The following KIF1B variants were observed in gnomAD, a reference collection of about 807,000 sequenced individuals.
KIF1B encodes kinesin family member 1B.
A neutral mutation model predicts 241.9 loss-of-function variants in KIF1B; 76 were observed. The ratio of observed to expected loss-of-function variants is 0.31; its 90% confidence interval spans 0.26 to 0.38. KIF1B has a LOEUF of 0.38. Among genes scored for constraint, KIF1B ranks in the 10% least tolerant of loss-of-function variants. The pLI is 1.00. For synonymous variants in KIF1B, 750 were observed against 796.7 expected (o/e 0.94, Z 0.99); for missense variants, 1,622 against 2,271.4 (o/e 0.71, Z 5.81).
At position 10,326,346 on chromosome 1, in the gene KIF1B, A is replaced by C; in HGVS notation, c.2911A>C (p.Ile971Leu). The change falls in exon 27 of 49, where the codon ATT becomes CTT. Residue 971 changes from isoleucine (I) to leucine (L), a missense_variant. Coordinates refer to ENST00000676179, the MANE Select transcript of KIF1B (RefSeq NM_001365951.3). The surrounding 1 kb of genome is among the most constrained non-coding windows in gnomAD (Gnocchi z 5.2). Reference protein sequence around the residue: ...DPFYDRSPWFILVGRAFVYLS... With the variant: ...DPFYDRSPWFLLVGRAFVYLS... ...GTTTTACGACCGATCCCCTTGGTTC[A>C]TTTTAGTGGGAAGGTTGGTGAGGTT... 1 of 1,614,152 alleles carries C rather than the reference A, an allele frequency of 6.2e-7. No homozygotes were observed. Among genetic ancestry groups the C allele is most frequent in the Non-Finnish European group, 8.5e-7 (1 of 1,180,022 alleles).
intron 1 of KIF1B, among the ~76,000 whole-genome samples, chr1:10,229,603 T>C (rs1348877223): frequency 6.6e-6 from 1 of 151,920 alleles, no homozygotes; most frequent in Non-Finnish European, 1.5e-5. Context: ...ATGCCTGTAA[T>C]CCCAGCACTT....
intron 15 of KIF1B, among the ~76,000 whole-genome samples, chr1:10,284,615 G>A (rs138300593): frequency 9.9e-5 from 15 of 152,254 alleles, no homozygotes; most frequent in East Asian, 3.9e-4. Context: ...AACTTGGGAG[G>A]CGGAGGTTGC....
chr1:10,238,482 T>C (rs1257082611), intron 2 of KIF1B, among the ~76,000 whole-genome samples: 1 of 151,366 alleles, frequency 6.6e-6, no homozygotes, highest in East Asian at 1.9e-4. Context: ...GATGCGCAGA[T>C]TGCTTGAGCT....
At chr1:10,250,387 G>C (rs1240251542) in intron 2 of KIF1B, among the ~76,000 whole-genome samples, 1 of 150,542 alleles carries the variant, frequency 6.6e-6, no homozygotes, top group Non-Finnish European at 1.5e-5. Context: ...TGCCCAGGGT[G>C]GGGTGCAGTG....
At chr1:10,309,153 A>G (rs1370050698) in intron 22 of KIF1B, among the ~76,000 whole-genome samples, 1 of 152,070 alleles carries the variant, frequency 6.6e-6, no homozygotes, top group Non-Finnish European at 1.5e-5. Flanking sequence ...TGGACCTGAC[A>G]TTATTTTTTA....
At chr1:10,321,939 C>T (rs1421924403) in intron 24 of KIF1B, 82 bp downstream of exon 24, 1 of 1,515,290 alleles carries the variant, frequency 6.6e-7, no homozygotes, top group Non-Finnish European at 9.1e-7. Flanking sequence ...CTTGAATTAA[C>T]CTTTCCTTTG....
At chr1:10,248,388 A>T in intron 2 of KIF1B, among the ~76,000 whole-genome samples, 1 of 152,184 alleles carries the variant, frequency 6.6e-6, no homozygotes. Flanking sequence ...TTTAGTAGAG[A>T]TAAGACCTCA....
chr1:10,222,920 C>A (rs1646863340), intron 1 of KIF1B, among the ~76,000 whole-genome samples: 1 of 152,144 alleles, frequency 6.6e-6, no homozygotes, highest in African/African-American at 2.4e-5. Context: ...TATTTTTTTG[C>A]TAATTATTAA....
chr1:10,301,861 G>A (rs936238458), intron 22 of KIF1B, among the ~76,000 whole-genome samples: 3 of 152,170 alleles, frequency 2.0e-5, no homozygotes, highest in Non-Finnish European at 2.9e-5. Context: ...TATTAGTTAA[G>A]AGCGATTGCT....
intron 38 of KIF1B, among the ~76,000 whole-genome samples, chr1:10,360,712 AG>A (rs1419235127): frequency 2.6e-5 from 4 of 151,458 alleles, no homozygotes; most frequent in Non-Finnish European, 5.9e-5. Flanking sequence ...AGCACAACTA[AG>A]TGTTCCTTAA....
intron 22 of KIF1B, 36 bp downstream of exon 22, chr1:10,297,282 G>A (rs767418002): frequency 1.9e-6 from 3 of 1,577,888 alleles, no homozygotes; most frequent in African/African-American, 2.7e-5. Context: ...GTTGGGAAAA[G>A]GGCAGCTTGT....
At chr1:10,301,568 A>C (rs752279140) in intron 22 of KIF1B, among the ~76,000 whole-genome samples, 10 of 152,124 alleles carry the variant, frequency 6.6e-5, no homozygotes, top group Non-Finnish European at 1.2e-4. Flanking sequence ...CGGGAGGCTG[A>C]GGCAGGAGAA....
intron 2 of KIF1B, among the ~76,000 whole-genome samples, chr1:10,241,585 A>G (rs1161964635): frequency 1.3e-5 from 2 of 152,206 alleles, no homozygotes; most frequent in African/African-American, 4.8e-5. Context: ...CAAAATGGCT[A>G]AGAGAAGTAC....
rs146335819 is a variant in KIF1B at position 10,323,973 on chromosome 1, G to C, written c.2448G>C (p.Glu816Asp). ...CCACTGAGATGGAAAAAACTCATGA[G>C]GACAGGCCTTTCCCTCGCACAGTGG... ...LLPTEMEKTH[E>D]DRPFPRTVVA... The change falls in exon 25 of 49, where the codon GAG (glutamate) becomes GAC (aspartate). Residue 816 changes from glutamate (E) to aspartate (D), a missense_variant. Coordinates refer to ENST00000676179, the MANE Select transcript of KIF1B (RefSeq NM_001365951.3). 3 of 1,613,996 alleles carry C rather than the reference G, an allele frequency of 1.9e-6. No individual in the cohort carries two copies. In the African/African-American group the frequency reaches 4.0e-5, roughly 22 times the overall value.
At chr1:10,242,195 G>A (rs1404622533) in intron 2 of KIF1B, among the ~76,000 whole-genome samples, 1 of 152,128 alleles carries the variant, frequency 6.6e-6, no homozygotes, top group African/African-American at 2.4e-5. Flanking sequence ...GTCTTAGATA[G>A]AGATAAATAA....
intron 1 of KIF1B, among the ~76,000 whole-genome samples, chr1:10,213,725 T>C (rs1379470353): frequency 6.6e-6 from 1 of 152,212 alleles, no homozygotes; most frequent in Non-Finnish European, 1.5e-5. Context: ...TACTGGTGAA[T>C]ATCTGGATTC....
At chr1:10,238,706 AAACAACAACAAC>A (rs146414281) in intron 2 of KIF1B, among the ~76,000 whole-genome samples, 11 of 150,576 alleles carry the variant, frequency 7.3e-5, no homozygotes, top group Non-Finnish European at 1.0e-4. Flanking sequence ...CCCCATCCAA[AAACAACAACAAC>A]AACAACAACA....
At chr1:10,255,587 C>T (rs1246556255) in intron 2 of KIF1B, among the ~76,000 whole-genome samples, 3 of 152,098 alleles carry the variant, frequency 2.0e-5, no homozygotes, top group Non-Finnish European at 4.4e-5. Flanking sequence ...AAGACTCTGT[C>T]TTCAAAAAGA....
At chr1:10,250,495 C>A (rs903223406) in intron 2 of KIF1B, among the ~76,000 whole-genome samples, 1 of 151,988 alleles carries the variant, frequency 6.6e-6, no homozygotes, top group African/African-American at 2.4e-5. Flanking sequence ...CCCACCACCA[C>A]GCCCAGCTAA....
Sources: gnomAD v4.1 joint callset for allele counts (sites outside exome capture counted in the v4.1 genomes callset) on GRCh38, gnomAD v4.1.1 for gene constraint, Gnocchi (gnomAD v3.1) non-coding constraint, MANE v1.5 for transcripts, NCBI Gene and HGNC (gene_info 2026-07-23, HGNC 2026-07-21) for gene names.